LMO7: variants seen among roughly 807,000 people sequenced by gnomAD.
LMO7 encodes LIM domain only protein 7.
A neutral mutation model predicts 206.5 loss-of-function variants in LMO7; 120 were observed. The ratio of observed to expected loss-of-function variants is 0.58; its 90% CI spans 0.50 to 0.68. The LOEUF is 0.68. LMO7 is among the 30% of genes least tolerant of loss of function. LMO7 has a pLI of 0.00. For synonymous variants in LMO7, 706 were observed against 681.5 expected (o/e 1.04, Z -0.56); for missense variants, 1,959 against 1,957.9 (o/e 1.00, Z -0.01).
intron 15 of LMO7, among the ~76,000 whole-genome samples, chr13:75,827,577 A>C (rs1160613780): frequency 6.6e-6 from 1 of 152,104 alleles, no homozygotes; most frequent in African/African-American, 2.4e-5. Flanking sequence ...CTTTCTGGAC[A>C]ATCTAGGCTG....
chr13:75,677,124 T>C (rs1475074651), intron 1 of LMO7, among the ~76,000 whole-genome samples: 1 of 152,176 alleles, frequency 6.6e-6, no homozygotes, highest in African/African-American at 2.4e-5. Flanking sequence ...CAGAGCTGGC[T>C]GTGTATACAT....
intron 1 of LMO7, among the ~76,000 whole-genome samples, chr13:75,698,229 G>T (rs1357188582): frequency 2.0e-5 from 3 of 151,868 alleles, no homozygotes; most frequent in Non-Finnish European, 4.4e-5. Flanking sequence ...AAAGTAGCTG[G>T]GGTAGAAATT....
chr13:75,635,485 C>T (rs1311334811), upstream of LMO7, among the ~76,000 whole-genome samples: 1 of 152,214 alleles, frequency 6.6e-6, no homozygotes, highest in Non-Finnish European at 1.5e-5. Context: ...CGGCGGATAC[C>T]GCATAACCTG....
intron 1 of LMO7, among the ~76,000 whole-genome samples, chr13:75,655,313 T>G (rs1183804925): frequency 6.6e-6 from 1 of 152,120 alleles, no homozygotes; most frequent in Non-Finnish European, 1.5e-5. Context: ...TCTTCTCATT[T>G]CCAGCATTGT....
chr13:75,744,796 G>T (rs1400874925), intron 3 of LMO7, among the ~76,000 whole-genome samples: 2 of 152,168 alleles, frequency 1.3e-5, no homozygotes, highest in Non-Finnish European at 2.9e-5. Flanking sequence ...AAGAGACAGA[G>T]AACATTTCTC....
chr13:75,846,863 T>A (rs2060034560), intron 26 of LMO7, among the ~76,000 whole-genome samples: 1 of 152,014 alleles, frequency 6.6e-6, no homozygotes, highest in Non-Finnish European at 1.5e-5. Flanking sequence ...AAACCCCATC[T>A]CTACCAAAAA....
intron 1 of LMO7, among the ~76,000 whole-genome samples, chr13:75,671,647 T>G (rs1237166574): frequency 1.3e-5 from 2 of 152,204 alleles, no homozygotes; most frequent in Non-Finnish European, 2.9e-5. Context: ...AAATCCTTGA[T>G]TAAAGATGAA....
chr13:75,836,522 G>A, intron 19 of LMO7, 65 bp downstream of exon 19: 1 of 849,408 alleles, frequency 1.2e-6, no homozygotes, highest in Non-Finnish European at 1.8e-6. Flanking sequence ...AAGTTCTGCT[G>A]TTATAAAAAT....
chr13:75,639,689 C>CA (rs2036322503), intron 1 of LMO7, among the ~76,000 whole-genome samples: 1 of 152,182 alleles, frequency 6.6e-6, no homozygotes, highest in Non-Finnish European at 1.5e-5. Flanking sequence ...GGTAAACAGA[C>CA]AAAATACTAA....
intron 2 of LMO7, among the ~76,000 whole-genome samples, chr13:75,723,494 G>C (rs995867778): frequency 6.6e-6 from 1 of 152,140 alleles, no homozygotes; most frequent in Admixed American, 6.6e-5. Flanking sequence ...CAGCTGAAAA[G>C]CTTTCTGATA....
At chr13:75,842,711 C>T in intron 24 of LMO7, 140 bp from the exon 25 acceptor site, 1 of 593,898 alleles carries the variant, frequency 1.7e-6, no homozygotes. Flanking sequence ...CATTGAAATA[C>T]CTTTGTATGT....
chr13:75,700,298 G>C (rs1339877600), intron 1 of LMO7, among the ~76,000 whole-genome samples: 1 of 152,178 alleles, frequency 6.6e-6, no homozygotes, highest in African/African-American at 2.4e-5. Flanking sequence ...AATTATAAGA[G>C]TATTGACTGG....
At chr13:75,714,053 C>T (rs1309293073) in intron 2 of LMO7, among the ~76,000 whole-genome samples, 5 of 152,160 alleles carry the variant, frequency 3.3e-5, no homozygotes, top group African/African-American at 9.6e-5. Flanking sequence ...AGACACTTAT[C>T]GCACAGGTAT....
chr13:75,829,092 C>T lies in LMO7; in HGVS notation c.2950-3959C>T, dbSNP rs567109002. ...TTTTCGAATTGTTGGACTTAGGCATCGGAGACATGGCAATGAATGAGGTTG... is the reference window on the plus strand; with the variant it reads ...TTTTCGAATTGTTGGACTTAGGCATTGGAGACATGGCAATGAATGAGGTTG... On this transcript the variant is annotated intron_variant, in intron 15 of 30. Transcript: ENST00000377534. 1.8e-4 allele frequency among the ~76,000 whole-genome samples: 27 copies of T among 152,072 alleles called. No homozygotes were observed. The South Asian group carries it at 2.1e-3, about 12-fold the overall frequency.
At chr13:75,725,740 T>A (rs2044414339) in intron 2 of LMO7, among the ~76,000 whole-genome samples, 3 of 152,052 alleles carry the variant, frequency 2.0e-5, no homozygotes, top group African/African-American at 7.2e-5. Flanking sequence ...GTTGAGAGAA[T>A]GGTATTATTA....
At chr13:75,696,321 C>T (rs922826252) in intron 1 of LMO7, among the ~76,000 whole-genome samples, 4 of 152,074 alleles carry the variant, frequency 2.6e-5, no homozygotes, top group Non-Finnish European at 4.4e-5. Flanking sequence ...TGCCATTGCA[C>T]TCCAGCCTGG....
chr13:75,670,149 GGA>G, intron 1 of LMO7, among the ~76,000 whole-genome samples: 1 of 152,330 alleles, frequency 6.6e-6, no homozygotes, highest in Non-Finnish European at 1.5e-5. Context: ...TTGCTTAATA[GGA>G]GAGAACTTCG....
chr13:75,805,347 G>T, intron 8 of LMO7, 132 bp from the exon 9 acceptor site: 2 of 1,037,514 alleles, frequency 1.9e-6, no homozygotes, highest in Non-Finnish European at 2.8e-6. Flanking sequence ...AGGAGCTGTG[G>T]TGGTGATGAG....
chr13:75,847,796 A>T (rs1440018147), intron 26 of LMO7, among the ~76,000 whole-genome samples: 1 of 152,094 alleles, frequency 6.6e-6, no homozygotes, highest in African/African-American at 2.4e-5. Context: ...TCATTTTCCC[A>T]AGTGTGTTCT....
Sources: gnomAD v4.1 joint callset for allele counts (sites outside exome capture counted in the v4.1 genomes callset) on GRCh38, gnomAD v4.1.1 for gene constraint, MANE v1.5 for transcripts, NCBI Gene and HGNC (gene_info 2026-07-23, HGNC 2026-07-21) for gene names.